PTPRN2: variants seen among roughly 807,000 people sequenced by gnomAD.
PTPRN2 encodes protein tyrosine phosphatase receptor type N2.
A neutral mutation model predicts 118.8 loss-of-function variants in PTPRN2; 74 were observed. The observed-to-expected ratio is 0.62, with a 90% confidence interval of 0.52 to 0.76. PTPRN2 has a LOEUF of 0.76. Among genes scored for constraint, PTPRN2 ranks in the 30% least tolerant of loss-of-function variants. The pLI is 0.00. For missense variants in PTPRN2, 1,481 were observed against 1,394.4 expected (o/e 1.06, Z -0.99); for synonymous variants, 641 against 608.0 (o/e 1.05, Z -0.80).
intron 21 of PTPRN2, among the ~76,000 whole-genome samples, chr7:157,559,653 C>A (rs979918101): frequency 2.6e-5 from 4 of 152,264 alleles, no homozygotes; most frequent in African/African-American, 9.6e-5. Context: ...GGCAAGTGCG[C>A]AGGCCGGGCC....
intron 11 of PTPRN2, among the ~76,000 whole-genome samples, chr7:157,949,870 C>T (rs1338324276): frequency 1.3e-5 from 2 of 152,156 alleles, no homozygotes; most frequent in Admixed American, 6.5e-5. Flanking sequence ...TTCCTGGGGC[C>T]GGGCAAGTTC....
At chr7:158,381,520 G>A (rs1476291699) in intron 2 of PTPRN2, among the ~76,000 whole-genome samples, 1 of 152,168 alleles carries the variant, frequency 6.6e-6, no homozygotes, top group African/African-American at 2.4e-5. Flanking sequence ...ATTGCTGTCA[G>A]CATTTTAGGC....
At position 157,902,600 on chromosome 7, in the gene PTPRN2, A is replaced by G. The variant is rs184785786; in HGVS notation, c.1724-3863T>C. On this transcript the variant is annotated intron_variant, in intron 11 of 22. Transcript: ENST00000389418. The stretch of plus-strand genomic sequence containing the variant: ...GGAAATCAACCTCACCGTGGCCTCA[A>G]GAGCACGTGGGGACCAGCATTGTGC... Among the ~76,000 whole-genome samples, 7 of 152,220 alleles carry G rather than the reference A, an allele frequency of 4.6e-5. No homozygotes were observed. The East Asian group carries it at 1.2e-3, about 25-fold the overall frequency.
At chr7:157,625,573 T>C (rs1374057589) in intron 14 of PTPRN2, among the ~76,000 whole-genome samples, 2 of 151,802 alleles carry the variant, frequency 1.3e-5, no homozygotes, top group Non-Finnish European at 2.9e-5. Context: ...TTTGGGGACT[T>C]GAGGGGAGGA....
At chr7:158,337,009 T>A (rs377657045) in intron 2 of PTPRN2, among the ~76,000 whole-genome samples, 2 of 100,454 alleles carry the variant, frequency 2.0e-5, no homozygotes, top group East Asian at 3.1e-4. Flanking sequence ...ACCCACACTC[T>A]CACCATAAGA....
chr7:158,273,338 A>C (rs1162001121), intron 3 of PTPRN2, among the ~76,000 whole-genome samples: 1 of 150,486 alleles, frequency 6.6e-6, no homozygotes, highest in Non-Finnish European at 1.5e-5. Flanking sequence ...AGGCCAGGAG[A>C]TGCAGAACCA....
rs1211587816 is a variant in PTPRN2, at chr7:157,656,956, TAC to T, written c.2002-407_2002-406del. 1.8e-4 allele frequency among the ~76,000 whole-genome samples: 17 copies of T among 95,972 alleles called. 1 individual carries two copies. Among genetic ancestry groups the T allele is most frequent in the African/African-American group, 5.0e-4 (12 of 23,886 alleles). The allele number at this position is 95,972 out of a possible 152,430, so 63.0% of individuals were successfully genotyped here. ...ACACACACCACACACATCACACATA[TAC>T]ACACACATACACCACACACACCACA... On this transcript the variant is annotated intron_variant, in intron 13 of 22. Transcript: ENST00000389418.
intron 11 of PTPRN2, among the ~76,000 whole-genome samples, chr7:157,996,934 G>A (rs1343548487): frequency 6.6e-6 from 1 of 152,160 alleles, no homozygotes; most frequent in East Asian, 1.9e-4. Flanking sequence ...GTGTGGGGAG[G>A]CACGAGCTTC....
intron 12 of PTPRN2, among the ~76,000 whole-genome samples, chr7:157,870,716 T>C (rs917381938): frequency 5.3e-5 from 8 of 152,220 alleles, no homozygotes; most frequent in Admixed American, 3.3e-4. Flanking sequence ...TGATGGCTGC[T>C]TGGGGTGCTG....
chr7:158,432,192 T>G lies in PTPRN2; in HGVS notation c.163+57543A>C, dbSNP rs1358287856. On this transcript the variant is annotated intron_variant, in intron 2 of 22. Transcript: ENST00000389418. ...GAGGGAGAAGAGAAACACGACACGGTCAGGGAGACGTCACAGGTTTTCCCC... is the reference window on the plus strand; with the variant it reads ...GAGGGAGAAGAGAAACACGACACGGGCAGGGAGACGTCACAGGTTTTCCCC... Among the ~76,000 whole-genome samples, 4 of 152,102 alleles carry G rather than the reference T, an allele frequency of 2.6e-5. 1 individual carries two copies. In the South Asian group the frequency reaches 8.3e-4, roughly 32 times the overall value.
intron 3 of PTPRN2, among the ~76,000 whole-genome samples, chr7:158,260,528 C>T (rs1054046718): frequency 1.3e-5 from 2 of 152,108 alleles, no homozygotes; most frequent in African/African-American, 4.8e-5. Flanking sequence ...GAATAAAGCC[C>T]AGAGGGCCTA....
chr7:157,660,331 GTGAGGTC>G (rs1405346783), intron 13 of PTPRN2, among the ~76,000 whole-genome samples: 3 of 152,130 alleles, frequency 2.0e-5, no homozygotes, highest in Non-Finnish European at 4.4e-5. Flanking sequence ...GAGAGCTACA[GTGAGGTC>G]TGAGCTCTGT....
intron 12 of PTPRN2, among the ~76,000 whole-genome samples, chr7:157,795,405 G>A (rs1009919038): frequency 6.6e-6 from 1 of 152,232 alleles, no homozygotes; most frequent in African/African-American, 2.4e-5. Flanking sequence ...AGCACCGTCT[G>A]TTTGCTCACC....
intron 12 of PTPRN2, among the ~76,000 whole-genome samples, chr7:157,788,434 T>C (rs948991143): frequency 2.0e-5 from 3 of 151,216 alleles, no homozygotes; most frequent in African/African-American, 7.3e-5. Flanking sequence ...AAGACACTGC[T>C]GTCTGGAGAC....
At chr7:158,468,044 C>T (rs1310795619) in intron 2 of PTPRN2, among the ~76,000 whole-genome samples, 1 of 152,170 alleles carries the variant, frequency 6.6e-6, no homozygotes, top group African/African-American at 2.4e-5. Context: ...AATTATAACT[C>T]ACACTGCATG....
intron 3 of PTPRN2, among the ~76,000 whole-genome samples, chr7:158,254,919 C>T (rs61028818): frequency 0.034 from 5,252 of 152,354 alleles, 122 homozygotes; most frequent in East Asian, 0.1. Context: ...ATAATAAATG[C>T]GAAGCATGGT....
intron 2 of PTPRN2, among the ~76,000 whole-genome samples, chr7:158,355,579 C>G (rs951687810): frequency 6.6e-6 from 1 of 152,216 alleles, no homozygotes; most frequent in African/African-American, 2.4e-5. Context: ...CAGGAGCAGT[C>G]AGGCAGGCTG....
chr7:158,223,404 A>G (rs1306729749), intron 3 of PTPRN2, among the ~76,000 whole-genome samples: 1 of 152,228 alleles, frequency 6.6e-6, no homozygotes, highest in Non-Finnish European at 1.5e-5. Context: ...TCACAAATGT[A>G]GACACAAAAA....
intron 13 of PTPRN2, among the ~76,000 whole-genome samples, chr7:157,659,848 G>A (rs1046555545): frequency 2.6e-5 from 4 of 152,132 alleles, no homozygotes; most frequent in Admixed American, 2.0e-4. Context: ...GGGTTCAAAC[G>A]ATTCTCCTGC....
Sources: allele counts gnomAD v4.1 joint callset (sites outside exome capture counted in the v4.1 genomes callset), GRCh38; gene constraint gnomAD v4.1.1; transcripts MANE v1.5; gene names NCBI Gene and HGNC (gene_info 2026-07-23, HGNC 2026-07-21).